Variants in PCDH17 observed in about 807,000 individuals in gnomAD.
The protein encoded by PCDH17 is protocadherin-17.
Under a neutral mutation model 67.7 loss-of-function variants are expected in PCDH17, and 21 were observed. The observed-to-expected ratio is 0.31, with a 90% CI of 0.22 to 0.45. PCDH17 has a LOEUF of 0.45. PCDH17 is among the 20% of genes least tolerant of loss of function. The pLI is 1.00. For missense variants in PCDH17, 1,471 were observed against 1,564.8 expected, an observed-to-expected ratio of 0.94 and a Z score of 1.01; for synonymous variants, 701 against 656.7, an observed-to-expected ratio of 1.07 and a Z score of -1.03.
At chr13:57,663,557 A>C (rs941459664) in intron 1 of PCDH17, among the ~76,000 whole-genome samples, 11 of 152,164 alleles carry the variant, frequency 7.2e-5, no homozygotes, top group African/African-American at 2.4e-4. Flanking sequence ...ATGAATTTTC[A>C]GAGACCCTTG....
chr13:57,671,786 T>C (rs1955325600), intron 3 of PCDH17, among the ~76,000 whole-genome samples: 1 of 152,014 alleles, frequency 6.6e-6, no homozygotes, highest in African/African-American at 2.4e-5. Context: ...CTCCTTGAAA[T>C]AGAATTGTAC....
chr13:57,674,286 T>C (rs1000848629), intron 3 of PCDH17, among the ~76,000 whole-genome samples: 1 of 151,976 alleles, frequency 6.6e-6, no homozygotes, highest in African/African-American at 2.4e-5. Flanking sequence ...GTCCTTTTTT[T>C]AGTTTTATTA....
intron 1 of PCDH17, among the ~76,000 whole-genome samples, chr13:57,655,238 A>C (rs144537320): frequency 6.6e-6 from 1 of 152,088 alleles, no homozygotes; most frequent in Non-Finnish European, 1.5e-5. Context: ...AAACAGAGAG[A>C]CAACTAAATT....
chr13:57,663,618 C>T (rs1165061022), intron 1 of PCDH17, among the ~76,000 whole-genome samples: 2 of 152,050 alleles, frequency 1.3e-5, no homozygotes. Flanking sequence ...TGTTAAAGGC[C>T]AAATGGCTAT....
At chr13:57,657,849 A>T (rs749890329) in intron 1 of PCDH17, among the ~76,000 whole-genome samples, 1 of 152,212 alleles carries the variant, frequency 6.6e-6, no homozygotes, top group South Asian at 2.1e-4. Context: ...ATTTAACACC[A>T]TATCTAGAAT....
At chr13:57,710,552 A>C (rs1181819596) in intron 3 of PCDH17, among the ~76,000 whole-genome samples, 2 of 151,896 alleles carry the variant, frequency 1.3e-5, no homozygotes, top group Non-Finnish European at 2.9e-5. Flanking sequence ...AAGTAAAAAA[A>C]CAGGAAAAAG....
chr13:57,632,674 G>T lies in PCDH17; in HGVS notation c.128G>T (p.Arg43Leu). ...TVIGNIGRDARLQPGLPPAER... is the reference protein window; with the variant it reads ...TVIGNIGRDALLQPGLPPAER... Reference sequence around the variant, plus strand: ...ATCGGGAACATCGGCAGGGATGCTCGACTGCAGCCTGGGCTTCCGCCTGCA... The same window carrying T: ...ATCGGGAACATCGGCAGGGATGCTCTACTGCAGCCTGGGCTTCCGCCTGCA... The change falls in exon 1 of 4, where the codon CGA (arginine) becomes CTA (leucine). Residue 43 changes from arginine (R) to leucine (L), a missense_variant. Physicochemically the swap from Arg to Leu is moderately radical, Grantham distance 102. Around this residue, in one of 3 missense-constraint regions of PCDH17, gnomAD observed 1,163 missense variants for 1,230.0 expected, o/e 0.95. Transcript: ENST00000377918. 6.2e-7 allele frequency: 1 copy of T among 1,611,716 alleles called. No homozygotes were observed. Among genetic ancestry groups the T allele is most frequent in the Non-Finnish European group, 8.5e-7 (1 of 1,179,908 alleles).
intron 3 of PCDH17, among the ~76,000 whole-genome samples, chr13:57,717,442 A>G (rs1271307535): frequency 6.6e-6 from 1 of 152,014 alleles, no homozygotes; most frequent in African/African-American, 2.4e-5. Context: ...TATACGCCAG[A>G]AAATTCCACT....
intron 3 of PCDH17, among the ~76,000 whole-genome samples, chr13:57,667,052 C>T (rs4142427): frequency 0.81 from 122,937 of 152,054 alleles, 49,841 homozygotes; most frequent in South Asian, 0.89. Flanking sequence ...AATCCTAAAA[C>T]AAGAACTTGA....
chr13:57,706,822 C>T (rs1016025595), intron 3 of PCDH17, among the ~76,000 whole-genome samples: 1 of 152,066 alleles, frequency 6.6e-6, no homozygotes, highest in African/African-American at 2.4e-5. Flanking sequence ...ATCTTTTTAG[C>T]AAATGGTTGT....
At chr13:57,686,079 A>C (rs1304348690) in intron 3 of PCDH17, among the ~76,000 whole-genome samples, 1 of 147,904 alleles carries the variant, frequency 6.8e-6, no homozygotes, top group East Asian at 2.0e-4. Context: ...ACACAGGGAG[A>C]TCTCATCTCT....
chr13:57,659,103 T>TTGTGTGTGTGTGTGTGTG (rs71083322), intron 1 of PCDH17, among the ~76,000 whole-genome samples: 7 of 139,750 alleles, frequency 5.0e-5, no homozygotes, highest in African/African-American at 9.0e-5. Flanking sequence ...GTTATTTATA[T>TTGTGTGTGTGTGTGTGTG]TGTGTGTGTG....
rs1440190974 is a variant in PCDH17, at chr13:57,634,078, T to C, written c.1532T>C (p.Ile511Thr). 2.5e-6 allele frequency: 4 copies of C among 1,613,438 alleles called. No homozygotes were observed. Among genetic ancestry groups the C allele is most frequent in the Non-Finnish European group, 3.4e-6 (4 of 1,180,010 alleles). The change falls in exon 1 of 4, where the codon ATC (isoleucine) becomes ACC (threonine). Residue 511 changes from isoleucine (I) to threonine (T), a missense_variant. Around this residue, in one of 3 missense-constraint regions of PCDH17, gnomAD observed 1,163 missense variants for 1,230.0 expected, o/e 0.95. Coordinates refer to ENST00000377918, the MANE Select transcript of PCDH17 (RefSeq NM_001040429.3). This position sits in a 1 kb window ranked among gnomAD's most constrained non-coding sequence, Gnocchi z 7.8. ...CAGAACGGCACCGTATCCTACTCTA[T>C]CCTGCCCTCGCACATCGGCGACGTG... ...LGQNGTVSYS[I>T]LPSHIGDVSI...
chr13:57,668,994 C>T (rs1370515518), intron 3 of PCDH17, among the ~76,000 whole-genome samples: 2 of 151,882 alleles, frequency 1.3e-5, no homozygotes, highest in East Asian at 1.9e-4. Flanking sequence ...CTCCCCGCTC[C>T]CCCCACCCCA....
intron 3 of PCDH17, among the ~76,000 whole-genome samples, chr13:57,692,927 A>G (rs1375268118): frequency 6.6e-6 from 1 of 151,092 alleles, no homozygotes; most frequent in Non-Finnish European, 1.5e-5. Context: ...TTTTAGAATT[A>G]AGTTATTGTA....
chr13:57,663,451 A>G lies in PCDH17; in HGVS notation c.2566-3017A>G, dbSNP rs1955209056. ...TTGTAAAATATCTGAATACTCTTAT[A>G]CTTCTAATTAAATGGTGCTGTCATA... On this transcript the variant is annotated intron_variant, in intron 1 of 3. Transcript: ENST00000377918. 3.3e-5 allele frequency among the ~76,000 whole-genome samples: 5 copies of G among 152,148 alleles called. No homozygotes were observed. The South Asian group carries it at 6.2e-4, about 19-fold the overall frequency.
At chr13:57,643,000 C>T (rs1361046344) in intron 1 of PCDH17, among the ~76,000 whole-genome samples, 6 of 151,574 alleles carry the variant, frequency 4.0e-5, no homozygotes, top group African/African-American at 9.7e-5. Flanking sequence ...GTCCCCAATA[C>T]AAATGCCTTT....
chr13:57,650,828 T>G (rs1015305126), intron 1 of PCDH17, among the ~76,000 whole-genome samples: 12 of 152,296 alleles, frequency 7.9e-5, no homozygotes, highest in Non-Finnish European at 1.5e-4. Flanking sequence ...TAATTTTTTG[T>G]TGAGTAAATC....
rs1955785909 is a variant in PCDH17 at position 57,712,559 on chromosome 13, G to A, written c.2798-12053G>A. ...TTTTGGCTAGATTATGAAGGTCTTA[G>A]AACACCAAACTGAATAATTCATCAT... On this transcript the variant is annotated intron_variant, in intron 3 of 3. Transcript: ENST00000377918. Among the ~76,000 whole-genome samples the A allele has an allele frequency of 2.6e-5, 4 of 151,584 alleles. No individual in the cohort carries two copies. The Admixed American group carries it at 2.6e-4, about 10-fold the overall frequency.
Sources: gnomAD v4.1 joint callset for allele counts (sites outside exome capture counted in the v4.1 genomes callset) on GRCh38, gnomAD v4.1.1 for gene constraint, gnomAD v4.1.1 regional missense constraint, Gnocchi (gnomAD v3.1) non-coding constraint, MANE v1.5 for transcripts, NCBI Gene and HGNC (gene_info 2026-07-23, HGNC 2026-07-21) for gene names.